ARHGAP32: variants seen among roughly 807,000 people sequenced by gnomAD.
The protein encoded by ARHGAP32 is Rho GTPase activating protein 32.
ARHGAP32 carries 51 observed loss-of-function variants against 186.5 expected under a neutral mutation model. The ratio of observed to expected loss-of-function variants is 0.27; its 90% CI spans 0.22 to 0.35. The LOEUF is 0.35. ARHGAP32 is among the 10% of genes least tolerant of loss of function. The pLI, the probability that ARHGAP32 is intolerant of heterozygous loss-of-function variation, is 1.00. For missense variants in ARHGAP32, 2,186 were observed against 2,623.5 expected (o/e 0.83, Z 3.64); for synonymous variants, 950 against 964.3 (o/e 0.99, Z 0.27).
intron 11 of ARHGAP32, among the ~76,000 whole-genome samples, chr11:129,008,207 G>C (rs577928707): frequency 2.6e-5 from 4 of 152,076 alleles, no homozygotes. Context: ...CCTGATTTTT[G>C]GTTTCTTTGA....
At chr11:129,042,430 T>G (rs1282178311) in intron 10 of ARHGAP32, among the ~76,000 whole-genome samples, 2 of 152,232 alleles carry the variant, frequency 1.3e-5, no homozygotes, top group Non-Finnish European at 2.9e-5. Flanking sequence ...CTTTAGGTAT[T>G]TGTTTTACTG....
chr11:129,222,319 A>G (rs946478204), intron 1 of ARHGAP32, among the ~76,000 whole-genome samples: 1 of 152,162 alleles, frequency 6.6e-6, no homozygotes, highest in Non-Finnish European at 1.5e-5. Context: ...TCAGTGTCCA[A>G]GTTCAGACAG....
chr11:129,054,058 CTT>C (rs146138118), intron 10 of ARHGAP32, among the ~76,000 whole-genome samples: 2,672 of 143,520 alleles, frequency 0.019, 73 homozygotes, highest in African/African-American at 0.066. Context: ...ACATTATACT[CTT>C]GAGGTAAAAA....
intron 11 of ARHGAP32, among the ~76,000 whole-genome samples, chr11:129,033,187 C>A (rs1939185528): frequency 6.6e-6 from 1 of 151,960 alleles, no homozygotes; most frequent in South Asian, 2.1e-4. Context: ...ATGTATACAC[C>A]CATAAGTTTT....
At chr11:129,162,831 A>C (rs528520401) in intron 2 of ARHGAP32, among the ~76,000 whole-genome samples, 1 of 152,306 alleles carries the variant, frequency 6.6e-6, no homozygotes, top group South Asian at 2.1e-4. Flanking sequence ...TGAGAATCAC[A>C]AGTAATCACA....
chr11:129,049,746 T>C (rs1939961529), intron 10 of ARHGAP32, among the ~76,000 whole-genome samples: 1 of 152,240 alleles, frequency 6.6e-6, no homozygotes, highest in Non-Finnish European at 1.5e-5. Context: ...TATTCTATTG[T>C]ATGGACACCA....
intron 1 of ARHGAP32, among the ~76,000 whole-genome samples, chr11:129,176,768 C>T (rs1486021000): frequency 6.6e-6 from 1 of 150,988 alleles, no homozygotes; most frequent in Non-Finnish European, 1.5e-5. Context: ...ACCAGAATCT[C>T]TGGGACGCAT....
At chr11:129,056,932 C>T (rs1331978276) in intron 10 of ARHGAP32, among the ~76,000 whole-genome samples, 1 of 152,100 alleles carries the variant, frequency 6.6e-6, no homozygotes, top group Non-Finnish European at 1.5e-5. Context: ...ATCTCAATCC[C>T]TAGGAAAACC....
chr11:129,098,837 T>C (rs1941810095), intron 5 of ARHGAP32, among the ~76,000 whole-genome samples: 1 of 152,190 alleles, frequency 6.6e-6, no homozygotes, highest in African/African-American at 2.4e-5. Flanking sequence ...GAGGAGACCA[T>C]GGAGCTATTA....
At chr11:129,043,267 C>T (rs1342940536) in intron 10 of ARHGAP32, among the ~76,000 whole-genome samples, 2 of 152,092 alleles carry the variant, frequency 1.3e-5, no homozygotes, top group African/African-American at 4.8e-5. Context: ...TCTACCTTGG[C>T]CCCAATTTGA....
At chr11:129,124,003 TAAGTGAA>T in intron 3 of ARHGAP32, 74 bp from the exon 4 acceptor site, 1 of 1,085,072 alleles carries the variant, frequency 9.2e-7, no homozygotes, top group Non-Finnish European at 1.2e-6. Context: ...CTAACTCTAC[TAAGTGAA>T]AAGATGGTTT....
At chr11:129,232,617 TA>T (rs575193963) in intron 1 of ARHGAP32, among the ~76,000 whole-genome samples, 11 of 150,716 alleles carry the variant, frequency 7.3e-5, no homozygotes, top group Middle Eastern at 3.4e-3. Flanking sequence ...TACAAGGCCA[TA>T]AAAAAAAAGG....
chr11:129,226,953 C>A (rs1241905807), intron 1 of ARHGAP32, among the ~76,000 whole-genome samples: 1 of 152,054 alleles, frequency 6.6e-6, no homozygotes, highest in Non-Finnish European at 1.5e-5. Flanking sequence ...AAGCTAACTA[C>A]ATAGGTAAGT....
chr11:129,057,694 C>T (rs1262666782), intron 10 of ARHGAP32, among the ~76,000 whole-genome samples: 1 of 116,844 alleles, frequency 8.6e-6, no homozygotes, highest in Non-Finnish European at 1.7e-5. Context: ...TTTTCAATAG[C>T]GTTTGATAAA....
chr11:129,196,411 T>A (rs1944392303), upstream of ARHGAP32, among the ~76,000 whole-genome samples: 1 of 152,226 alleles, frequency 6.6e-6, no homozygotes, highest in African/African-American at 2.4e-5. Flanking sequence ...ACTATTTACA[T>A]AACATTTACA....
chr11:129,272,224 A>G (rs1329894608), intron 1 of ARHGAP32, among the ~76,000 whole-genome samples: 1 of 152,206 alleles, frequency 6.6e-6, no homozygotes, highest in Admixed American at 6.5e-5. Flanking sequence ...CTCAAGAGAT[A>G]AAACTTTATT....
At chr11:129,172,431 T>C (rs1943787552) in intron 1 of ARHGAP32, among the ~76,000 whole-genome samples, 1 of 152,222 alleles carries the variant, frequency 6.6e-6, no homozygotes, top group African/African-American at 2.4e-5. Flanking sequence ...GATAATCATG[T>C]GGTTTTGTCT....
At chr11:128,986,158 T>G in intron 14 of ARHGAP32, 73 bp from the exon 15 acceptor site, 2 of 1,178,766 alleles carry the variant, frequency 1.7e-6, no homozygotes, top group Non-Finnish European at 1.2e-6. Flanking sequence ...ACAATTCAGT[T>G]TTCACTCTGA....
At chr11:129,120,208 G>A (rs1942487445) in intron 5 of ARHGAP32, among the ~76,000 whole-genome samples, 1 of 152,044 alleles carries the variant, frequency 6.6e-6, no homozygotes, top group South Asian at 2.1e-4. Flanking sequence ...TGATGGACTG[G>A]ATGTGAGGAC....
Sources: allele counts gnomAD v4.1 joint callset (sites outside exome capture counted in the v4.1 genomes callset), GRCh38; gene constraint gnomAD v4.1.1; transcripts MANE v1.5; gene names NCBI Gene and HGNC (gene_info 2026-07-23, HGNC 2026-07-21).